Variants in LRRC1 observed in about 807,000 individuals in gnomAD.
The protein encoded by LRRC1 is leucine-rich repeat-containing protein 1.
LRRC1 carries 28 observed loss-of-function variants against 69.9 expected under a neutral mutation model. The observed-to-expected ratio is 0.40, with a 90% CI of 0.30 to 0.55. LRRC1 has a LOEUF of 0.55. LRRC1 is among the 20% of genes least tolerant of loss of function. LRRC1 has a pLI of 0.47. For synonymous variants in LRRC1, 236 were observed against 240.2 expected (o/e 0.98, Z 0.16); for missense variants, 498 against 609.0 (o/e 0.82, Z 1.92).
chr6:53,883,627 A>G (rs1767372351), intron 4 of LRRC1, among the ~76,000 whole-genome samples: 1 of 152,258 alleles, frequency 6.6e-6, no homozygotes, highest in Non-Finnish European at 1.5e-5. Context: ...TAGTTGAATT[A>G]TCTTTGCAGA....
intron 1 of LRRC1, among the ~76,000 whole-genome samples, chr6:53,837,388 G>T (rs779117894): frequency 1.4e-4 from 22 of 152,112 alleles, no homozygotes; most frequent in Non-Finnish European, 2.4e-4. Flanking sequence ...CATACAGGTG[G>T]TTGACCAAAA....
intron 1 of LRRC1, among the ~76,000 whole-genome samples, chr6:53,807,264 A>C (rs1764659216): frequency 6.6e-6 from 1 of 152,166 alleles, no homozygotes; most frequent in South Asian, 2.1e-4. Context: ...CCGGATCCTG[A>C]CAGACCCTCC....
intron 13 of LRRC1, among the ~76,000 whole-genome samples, chr6:53,921,646 C>T (rs1768746473): frequency 6.6e-6 from 1 of 152,214 alleles, no homozygotes; most frequent in Admixed American, 6.5e-5. Flanking sequence ...ATCTTTCTAG[C>T]AGTTGACTTT....
chr6:53,907,828 G>A (rs1390276712), intron 10 of LRRC1, among the ~76,000 whole-genome samples: 1 of 150,818 alleles, frequency 6.6e-6, no homozygotes, highest in African/African-American at 2.4e-5. Context: ...TCAAAAGAAT[G>A]CTTTTCTGTG....
chr6:53,833,874 C>T (rs1765532444), intron 1 of LRRC1, among the ~76,000 whole-genome samples: 1 of 152,144 alleles, frequency 6.6e-6, no homozygotes. Flanking sequence ...CCTATTAGTA[C>T]ATGAATATAA....
chr6:53,837,712 G>C (rs973303333), intron 1 of LRRC1, among the ~76,000 whole-genome samples: 1 of 152,106 alleles, frequency 6.6e-6, no homozygotes, highest in East Asian at 1.9e-4. Context: ...GCTCTTCTAG[G>C]ACTGAGATTT....
chr6:53,832,504 A>G (rs561870712), intron 1 of LRRC1, among the ~76,000 whole-genome samples: 2 of 152,356 alleles, frequency 1.3e-5, no homozygotes, highest in South Asian at 2.1e-4. Flanking sequence ...CCTGAGTACA[A>G]TGTGTGAAAA....
rs188306092 is a variant in LRRC1 at position 53,897,670 on chromosome 6, C to T, written c.642+311C>T. Among the ~76,000 whole-genome samples, 290 of 152,258 alleles carry T rather than the reference C, an allele frequency of 1.9e-3. 1 individual carries two copies. The highest frequency in any genetic ancestry group is 6.5e-3 in the African/African-American group (272 of 41,552). ...CCAGCAGATTAGTAAATTGCCAGGA[C>T]CCATGATTCTGATGGTATACCTTTC... is the stretch of plus-strand genomic sequence containing the variant. On this transcript the variant is annotated intron_variant, in intron 7 of 13. Transcript: ENST00000370888.
intron 2 of LRRC1, among the ~76,000 whole-genome samples, chr6:53,877,918 C>T (rs954136153): frequency 9.2e-5 from 14 of 152,168 alleles, no homozygotes; most frequent in African/African-American, 3.1e-4. Flanking sequence ...ACCCACTCTA[C>T]TGGTACCAGT....
chr6:53,874,573 T>C (rs943474810), intron 2 of LRRC1, among the ~76,000 whole-genome samples: 2 of 152,154 alleles, frequency 1.3e-5, no homozygotes, highest in Non-Finnish European at 2.9e-5. Flanking sequence ...ACTTTTAAAT[T>C]TGAACTAAAA....
chr6:53,823,009 T>C (rs971944318), intron 1 of LRRC1, among the ~76,000 whole-genome samples: 6 of 152,128 alleles, frequency 3.9e-5, no homozygotes, highest in Non-Finnish European at 8.8e-5. Flanking sequence ...CGAAAATAGC[T>C]TGGATATTTG....
chr6:53,798,865 C>T (rs1357817746), intron 1 of LRRC1, among the ~76,000 whole-genome samples: 2 of 152,320 alleles, frequency 1.3e-5, no homozygotes, highest in East Asian at 3.9e-4. Flanking sequence ...TCAGAATATT[C>T]AAGTTGGAAG....
intron 4 of LRRC1, among the ~76,000 whole-genome samples, chr6:53,888,923 C>G (rs1767582192): frequency 6.6e-6 from 1 of 152,114 alleles, no homozygotes; most frequent in Non-Finnish European, 1.5e-5. Flanking sequence ...GAAAAGACAA[C>G]CCACAGAATG....
intron 2 of LRRC1, among the ~76,000 whole-genome samples, chr6:53,854,283 T>A (rs1383462620): frequency 6.6e-6 from 1 of 152,198 alleles, no homozygotes; most frequent in Non-Finnish European, 1.5e-5. Context: ...ATTTGACCTA[T>A]CCCTGAGAAG....
At chr6:53,798,008 A>G (rs181159313) in intron 1 of LRRC1, among the ~76,000 whole-genome samples, 2 of 152,332 alleles carry the variant, frequency 1.3e-5, no homozygotes, top group African/African-American at 4.8e-5. Context: ...TTAGCCAAGC[A>G]TTTATTGAGA....
intron 10 of LRRC1, among the ~76,000 whole-genome samples, chr6:53,911,268 T>G (rs1310580927): frequency 6.6e-6 from 1 of 152,278 alleles, no homozygotes; most frequent in African/African-American, 2.4e-5. Context: ...AAATGATTAA[T>G]GGATCTTGTC....
intron 2 of LRRC1, among the ~76,000 whole-genome samples, chr6:53,866,055 A>G (rs1562050337): frequency 6.6e-6 from 1 of 152,010 alleles, no homozygotes; most frequent in Non-Finnish European, 1.5e-5. Context: ...AGAGGTCTTG[A>G]TATTTCCTTC....
chr6:53,817,686 G>A (rs759140736), intron 1 of LRRC1, among the ~76,000 whole-genome samples: 1 of 152,130 alleles, frequency 6.6e-6, no homozygotes, highest in South Asian at 2.1e-4. Context: ...TCTATGAACT[G>A]AATTGTTTTA....
intron 1 of LRRC1, among the ~76,000 whole-genome samples, chr6:53,830,739 A>G (rs1016568613): frequency 1.3e-5 from 2 of 151,934 alleles, no homozygotes; most frequent in Non-Finnish European, 2.9e-5. Context: ...ATGTAAACCT[A>G]TCTGGTTGGA....
Sources: allele counts gnomAD v4.1 joint callset (sites outside exome capture counted in the v4.1 genomes callset), GRCh38; gene constraint gnomAD v4.1.1; transcripts MANE v1.5; gene names NCBI Gene and HGNC (gene_info 2026-07-23, HGNC 2026-07-21).